The following CHSY3 variants were observed in gnomAD, a reference collection of about 807,000 sequenced individuals.
The protein encoded by CHSY3 is N-acetylgalactosaminyl-proteoglycan 3-beta-glucuronosyltransferase 3.
CHSY3 carries 35 observed loss-of-function variants against 67.2 expected under a neutral mutation model. The observed-to-expected ratio is 0.52, with a 90% CI of 0.40 to 0.69. The LOEUF is 0.69. Among genes scored for constraint, CHSY3 ranks in the 30% least tolerant of loss-of-function variants. The pLI, the probability that CHSY3 is intolerant of heterozygous loss-of-function variation, is 0.00. For synonymous variants in CHSY3, 474 were observed against 434.7 expected (o/e 1.09, Z -1.12); for missense variants, 1,069 against 1,138.5 (o/e 0.94, Z 0.88).
At chr5:130,002,102 T>C in intron 2 of CHSY3, 1 of 959,742 alleles carries the variant, frequency 1.0e-6, no homozygotes, top group Non-Finnish European at 1.2e-6. Flanking sequence ...TGGTGCTTGG[T>C]GGCCTTCTTC....
At chr5:129,931,832 A>G (rs1055957765) in intron 2 of CHSY3, among the ~76,000 whole-genome samples, 1 of 152,040 alleles carries the variant, frequency 6.6e-6, no homozygotes, top group African/African-American at 2.4e-5. Flanking sequence ...AGTCCTCCCC[A>G]TGGACTTCTC....
intron 2 of CHSY3, among the ~76,000 whole-genome samples, chr5:129,926,890 C>T (rs950891726): frequency 6.6e-6 from 1 of 151,762 alleles, no homozygotes; most frequent in Admixed American, 6.6e-5. Context: ...TTGTCTAACA[C>T]CTGGTCAAGT....
At chr5:130,063,269 A>G (rs1252025764) in intron 2 of CHSY3, among the ~76,000 whole-genome samples, 1 of 152,142 alleles carries the variant, frequency 6.6e-6, no homozygotes, top group Non-Finnish European at 1.5e-5. Flanking sequence ...AGAAAAAAAT[A>G]AAGGACTCTC....
chr5:129,961,545 C>T (rs148181993), intron 2 of CHSY3, among the ~76,000 whole-genome samples: 3 of 151,820 alleles, frequency 2.0e-5, no homozygotes, highest in African/African-American at 7.3e-5. Flanking sequence ...TCTCTGATAC[C>T]CAAAAGTTCT....
At chr5:130,016,299 C>T (rs1278277209) in intron 2 of CHSY3, among the ~76,000 whole-genome samples, 1 of 152,192 alleles carries the variant, frequency 6.6e-6, no homozygotes, top group African/African-American at 2.4e-5. Context: ...TAAGGCTATC[C>T]ATATTGTATG....
chr5:129,923,907 A>G (rs1305132844), intron 2 of CHSY3, among the ~76,000 whole-genome samples: 1 of 152,212 alleles, frequency 6.6e-6, no homozygotes, highest in African/African-American at 2.4e-5. Flanking sequence ...GTACAAATCC[A>G]TTGTGAGTAT....
chr5:130,177,482 G>A (rs1187057790), intron 2 of CHSY3, among the ~76,000 whole-genome samples: 1 of 152,030 alleles, frequency 6.6e-6, no homozygotes, highest in Non-Finnish European at 1.5e-5. Flanking sequence ...TTGAGGTACA[G>A]CAATGACCTT....
At chr5:130,040,184 A>T (rs184325387) in intron 2 of CHSY3, among the ~76,000 whole-genome samples, 6 of 152,226 alleles carry the variant, frequency 3.9e-5, no homozygotes, top group African/African-American at 1.4e-4. Context: ...TCTCCATTAA[A>T]TCTGAAATAA....
At position 130,012,821 on chromosome 5, in the gene CHSY3, G is replaced by A. The variant is rs147443377; in HGVS notation, c.1086+104461G>A. Among the ~76,000 whole-genome samples the A allele has an allele frequency of 2.1e-3, 316 of 152,008 alleles. 3 individuals are homozygous for A. The highest frequency in any genetic ancestry group is 6.9e-3 in the African/African-American group (287 of 41,458). ...CCCCTCACAAATCTCATGTCCTCAC[G>A]TTTCAAAACACCCAAGTCATGCCTT... On this transcript the variant is annotated intron_variant, in intron 2 of 2. Coordinates refer to ENST00000305031, the MANE Select transcript of CHSY3 (RefSeq NM_175856.5).
intron 2 of CHSY3, among the ~76,000 whole-genome samples, chr5:130,156,614 G>A (rs1334695745): frequency 1.3e-5 from 2 of 152,170 alleles, no homozygotes; most frequent in African/African-American, 2.4e-5. Context: ...CATGCTCTCT[G>A]AGCATCAACA....
In CHSY3 at chr5:130,185,144, A is replaced by C; in HGVS notation, c.2002A>C (p.Ser668Arg). ...CAGTAGGGATTCTGGCCAAGACTCC[A>C]GCAAGCATATTGAGCTGATAAAAGG... ...LFSRDSGQDS[S>R]KHIELIKGYQ... is the part of the protein sequence containing the mutation. The change falls in exon 3 of 3, where the codon AGC (serine) becomes CGC (arginine). Residue 668 changes from serine (S) to arginine (R), a missense_variant. Physicochemically the swap from Ser to Arg is moderately radical, Grantham distance 110. Around this residue, in one of 5 missense-constraint regions of CHSY3, gnomAD observed 401 missense variants for 395.2 expected, o/e 1.01. Coordinates refer to ENST00000305031, the MANE Select transcript of CHSY3 (RefSeq NM_175856.5). The C allele has an allele frequency of 6.2e-7, 1 of 1,603,306 alleles. No homozygotes were observed. The highest frequency in any genetic ancestry group is 8.5e-7 in the Non-Finnish European group (1 of 1,170,182).
At chr5:130,004,907 A>G (rs1285653963) in intron 2 of CHSY3, among the ~76,000 whole-genome samples, 1 of 152,160 alleles carries the variant, frequency 6.6e-6, no homozygotes, top group Non-Finnish European at 1.5e-5. Flanking sequence ...TTTGTTATAT[A>G]AATAACTTTA....
intron 2 of CHSY3, among the ~76,000 whole-genome samples, chr5:129,925,818 A>G (rs1308301855): frequency 6.6e-6 from 1 of 151,978 alleles, no homozygotes; most frequent in Non-Finnish European, 1.5e-5. Flanking sequence ...TGTGATCTGA[A>G]AGGGAGAAAT....
At chr5:130,164,615 G>A (rs913853079) in intron 2 of CHSY3, among the ~76,000 whole-genome samples, 3 of 151,984 alleles carry the variant, frequency 2.0e-5, no homozygotes, top group Non-Finnish European at 2.9e-5. Flanking sequence ...TGAAAATCTA[G>A]AATCCATTCA....
At chr5:130,126,686 G>C (rs1022937909) in intron 2 of CHSY3, among the ~76,000 whole-genome samples, 6 of 152,078 alleles carry the variant, frequency 3.9e-5, no homozygotes, top group Admixed American at 6.6e-5. Flanking sequence ...AATCTTGAAT[G>C]GTCGAATCAT....
intron 2 of CHSY3, among the ~76,000 whole-genome samples, chr5:130,123,138 A>G (rs1435548519): frequency 6.6e-6 from 1 of 152,204 alleles, no homozygotes; most frequent in African/African-American, 2.4e-5. Flanking sequence ...GGATATTTAT[A>G]AAATAAGAGA....
chr5:130,105,545 T>TC (rs1767386935), intron 2 of CHSY3, among the ~76,000 whole-genome samples: 1 of 151,704 alleles, frequency 6.6e-6, no homozygotes, highest in Non-Finnish European at 1.5e-5. Context: ...CATAACTTCA[T>TC]CATAGGCCCT....
intron 2 of CHSY3, among the ~76,000 whole-genome samples, chr5:130,180,587 C>G (rs2149737137): frequency 6.6e-6 from 1 of 152,134 alleles, no homozygotes; most frequent in Non-Finnish European, 1.5e-5. Flanking sequence ...GGCACGGTGC[C>G]TTATGCCTGT....
At chr5:129,932,678 G>A (rs745387120) in intron 2 of CHSY3, among the ~76,000 whole-genome samples, 6 of 151,948 alleles carry the variant, frequency 3.9e-5, no homozygotes, top group East Asian at 3.9e-4. Context: ...TAATGTTTCC[G>A]TGTTTCCCAG....
Sources: allele counts gnomAD v4.1 joint callset (sites outside exome capture counted in the v4.1 genomes callset), GRCh38; gene constraint gnomAD v4.1.1; regional missense constraint gnomAD v4.1.1; transcripts MANE v1.5; gene names NCBI Gene and HGNC (gene_info 2026-07-23, HGNC 2026-07-21).